GRM4: variants seen among roughly 807,000 people sequenced by gnomAD.
The protein encoded by GRM4 is glutamate metabotropic receptor 4.
In GRM4, 28 loss-of-function variants were observed where a neutral mutation model predicts 81.7. The ratio of observed to expected loss-of-function variants is 0.34; its 90% confidence interval spans 0.25 to 0.47. The LOEUF (loss-of-function observed/expected upper bound fraction) is 0.47. Among genes scored for constraint, GRM4 ranks in the 20% least tolerant of loss-of-function variants. The pLI, the probability that GRM4 is intolerant of heterozygous loss-of-function variation, is 1.00. For missense variants in GRM4, 948 were observed against 1,290.0 expected (o/e 0.73, Z 4.06); for synonymous variants, 488 against 528.8 (o/e 0.92, Z 1.06).
At position 34,101,540 on chromosome 6, in the gene GRM4, GC is replaced by G. The variant is rs1198726047; in HGVS notation, c.520-9442del. ...CTGAGAATCTGAGGGTGACACTGCAGCCTCTAGTGAGAAGGCCGCCCCCATC... is the reference window on the plus strand; with the variant it reads ...CTGAGAATCTGAGGGTGACACTGCAGCTCTAGTGAGAAGGCCGCCCCCATC... On this transcript the variant is annotated intron_variant, in intron 2 of 10. Coordinates refer to ENST00000538487, the MANE Select transcript of GRM4 (RefSeq NM_000841.4). Among the ~76,000 whole-genome samples the G allele has an allele frequency of 6.6e-5, 10 of 152,360 alleles. No individual in the cohort carries two copies. The East Asian group carries it at 1.9e-3, about 29-fold the overall frequency.
At chr6:34,027,095 G>GGCCA (rs1340190716) in intron 10 of GRM4, among the ~76,000 whole-genome samples, 1 of 152,168 alleles carries the variant, frequency 6.6e-6, no homozygotes, top group Non-Finnish European at 1.5e-5. Flanking sequence ...GGGCCAGCAT[G>GGCCA]GCACCCGAAG....
At chr6:34,140,814 C>T (rs577942810) in intron 1 of GRM4, among the ~76,000 whole-genome samples, 1 of 152,360 alleles carries the variant, frequency 6.6e-6, no homozygotes, top group African/African-American at 2.4e-5. Flanking sequence ...TTCCTCTCTC[C>T]TCCCTCTTCC....
At chr6:34,135,955 G>A (rs1419367781) in intron 1 of GRM4, among the ~76,000 whole-genome samples, 2 of 152,184 alleles carry the variant, frequency 1.3e-5, no homozygotes, top group Non-Finnish European at 2.9e-5. Context: ...TGCAATGATG[G>A]AGGAGAGTCG....
Position 34,028,164 on chromosome 6 carries a change from T to C in GRM4, c.2645A>G (p.Asn882Ser), listed in dbSNP as rs367881700. ...GCAGAGCTCAGACTTGGCCTCTCCG[T>C]TGGGCCGGAAGTTGCCCTTCTGCGT... ...KFTQKGNFRP[N>S]GEAKSELCEN... The change falls in exon 10 of 11, where the codon AAC (asparagine) becomes AGC (serine). Residue 882 changes from asparagine to serine, a missense_variant. Transcript: ENST00000538487. 4.3e-4 allele frequency: 701 copies of C among 1,613,996 alleles called. 4 individuals carry two copies. In the South Asian group the frequency reaches 7.2e-3, roughly 17 times the overall value.
At position 34,047,832 on chromosome 6, in the gene GRM4, C is replaced by G. The variant is rs1765428632; in HGVS notation, c.1169-7084G>C. On this transcript the variant is annotated intron_variant, in intron 6 of 10. Transcript: ENST00000538487. This position sits in a 1 kb window ranked among gnomAD's most constrained non-coding sequence, Gnocchi z 4.5. ...TGGGAGTCGATTCTTGACTCCCTCT[C>G]AAGTGTTCTTTTACAAGCTCCAAGA... Among the ~76,000 whole-genome samples, 1 of 152,188 alleles carries G rather than the reference C, an allele frequency of 6.6e-6. No homozygotes were observed. Among genetic ancestry groups the G allele is most frequent in the Non-Finnish European group, 1.5e-5 (1 of 68,044 alleles).
chr6:34,099,453 G>T (rs11752974), intron 2 of GRM4, among the ~76,000 whole-genome samples: 1 of 151,714 alleles, frequency 6.6e-6, no homozygotes, highest in Admixed American at 6.6e-5. Flanking sequence ...CAGGCACTTA[G>T]CGGGAGACTC....
At chr6:34,139,655 C>G (rs927450640) in intron 1 of GRM4, among the ~76,000 whole-genome samples, 1 of 152,226 alleles carries the variant, frequency 6.6e-6, no homozygotes, top group Non-Finnish European at 1.5e-5. Flanking sequence ...ATGTTCCCCA[C>G]GCCCAGTCCG....
intron 1 of GRM4, among the ~76,000 whole-genome samples, chr6:34,142,502 G>A (rs1408640484): frequency 2.0e-5 from 3 of 152,200 alleles, no homozygotes; most frequent in Admixed American, 6.5e-5. Context: ...TTCAGCTAAG[G>A]AGCCTGTGGG....
chr6:34,059,280 G>A lies in GRM4; in HGVS notation c.873-152C>T. 2 of 696,886 alleles carry A rather than the reference G, an allele frequency of 2.9e-6. No individual in the cohort carries two copies. The highest frequency in any genetic ancestry group is 2.7e-5 in the East Asian group (1 of 36,910). 43.2% of individuals were successfully genotyped at this position (696,886 alleles called of 1,614,324 possible). A position where few individuals can be genotyped will look rare whatever the true frequency, so the allele number is the denominator to read the frequency against. On this transcript the variant is annotated intron_variant, in intron 4 of 10. Coordinates refer to ENST00000538487, the MANE Select transcript of GRM4 (RefSeq NM_000841.4). The surrounding 1 kb of genome is among the most constrained non-coding windows in gnomAD (Gnocchi z 5.7). ...ACCGATGCTTTCACCCCAAGCCATG[G>A]ATTCCCCCTACCCGCTGCCCTCACC... is the stretch of plus-strand genomic sequence containing the variant.
rs942509065 is a variant in GRM4 at position 34,069,836 on chromosome 6, C to T, written c.737-7808G>A. Among the ~76,000 whole-genome samples the T allele has an allele frequency of 3.9e-5, 6 of 152,192 alleles. No homozygotes were observed. The highest frequency in any genetic ancestry group is 1.4e-4 in the African/African-American group (6 of 41,438). On this transcript the variant is annotated intron_variant, in intron 3 of 10. Coordinates refer to ENST00000538487, the MANE Select transcript of GRM4 (RefSeq NM_000841.4). This position sits in a 1 kb window ranked among gnomAD's most constrained non-coding sequence, Gnocchi z 6.4. Reference sequence around the variant, plus strand: ...TGCCCCCAACAGGCCTCTGCACATGCTGCTCCCTCTGCCAGGAGCACCCCC... The same window carrying T: ...TGCCCCCAACAGGCCTCTGCACATGTTGCTCCCTCTGCCAGGAGCACCCCC...
At chr6:34,134,092 T>A (rs1770359099) in intron 1 of GRM4, among the ~76,000 whole-genome samples, 1 of 152,118 alleles carries the variant, frequency 6.6e-6, no homozygotes, top group South Asian at 2.1e-4. Context: ...CTGTACCCAC[T>A]GCTATCAGTA....
intron 2 of GRM4, among the ~76,000 whole-genome samples, chr6:34,097,815 C>A (rs1053001428): frequency 6.6e-6 from 1 of 152,174 alleles, no homozygotes; most frequent in African/African-American, 2.4e-5. Flanking sequence ...GGTTGAAATC[C>A]CCACCACGAA....
At chr6:34,119,335 G>A (rs1769711078) in intron 2 of GRM4, among the ~76,000 whole-genome samples, 2 of 152,206 alleles carry the variant, frequency 1.3e-5, no homozygotes, top group South Asian at 4.1e-4. Context: ...GGCGAAGGTT[G>A]CAGTGAGCTG....
chr6:34,040,113 G>A, intron 8 of GRM4, 65 bp downstream of exon 8: 2 of 1,513,918 alleles, frequency 1.3e-6, no homozygotes, highest in Non-Finnish European at 9.1e-7. Context: ...CTCCCCTTGG[G>A]CCCCCCTCCC....
rs187615692 is a variant in GRM4, at chr6:34,128,779, T to G, written c.519+4199A>C. 1.0e-3 allele frequency among the ~76,000 whole-genome samples: 155 copies of G among 152,314 alleles called. 1 individual carries two copies. The highest frequency in any genetic ancestry group is 9.5e-3 in the East Asian group (49 of 5,178). On this transcript the variant is annotated intron_variant, in intron 2 of 10. Transcript: ENST00000538487. Reference sequence around the variant, plus strand: ...TGAGGCAGAGAAGGGTTAAGCAGTTTGCCAGGGTGGTCAGACCTCAGGCTG... The same window carrying G: ...TGAGGCAGAGAAGGGTTAAGCAGTTGGCCAGGGTGGTCAGACCTCAGGCTG...
chr6:34,076,554 G>A (rs975916039), intron 3 of GRM4, among the ~76,000 whole-genome samples: 24 of 152,340 alleles, frequency 1.6e-4, no homozygotes, highest in Non-Finnish European at 1.8e-4. Context: ...CACCGGGGAG[G>A]AGGGACCAAG....
chr6:34,038,003 C>T (rs538157597), intron 8 of GRM4, among the ~76,000 whole-genome samples: 2 of 152,190 alleles, frequency 1.3e-5, no homozygotes, highest in Non-Finnish European at 2.9e-5. Flanking sequence ...AACTCAGAAG[C>T]CAAAGCGCAC....
At chr6:34,091,582 T>C in intron 3 of GRM4, 1 of 374,362 alleles carries the variant, frequency 2.7e-6, no homozygotes, top group East Asian at 4.9e-5. Flanking sequence ...ACCCCATCCC[T>C]TCCTCTGCTG....
intron 3 of GRM4, among the ~76,000 whole-genome samples, chr6:34,084,743 T>C (rs1272250882): frequency 6.6e-6 from 1 of 152,198 alleles, no homozygotes; most frequent in African/African-American, 2.4e-5. Context: ...TCTCATCGCT[T>C]CCATCTGCCT....
Sources: allele counts gnomAD v4.1 joint callset (sites outside exome capture counted in the v4.1 genomes callset), GRCh38; gene constraint gnomAD v4.1.1; non-coding constraint Gnocchi (gnomAD v3.1); transcripts MANE v1.5; gene names NCBI Gene and HGNC (gene_info 2026-07-23, HGNC 2026-07-21).